RAD18: variants seen among roughly 807,000 people sequenced by gnomAD.
The protein encoded by RAD18 is E3 ubiquitin-protein ligase RAD18.
A neutral mutation model predicts 60.4 loss-of-function variants in RAD18; 47 were observed. The ratio of observed to expected loss-of-function variants is 0.78; its 90% CI spans 0.62 to 0.99. The LOEUF (loss-of-function observed/expected upper bound fraction) is 0.99. Ranked by LOEUF, RAD18 falls within the 50% of genes least tolerant of loss-of-function variation. The pLI is 0.00. For synonymous variants in RAD18, 225 were observed against 195.5 expected (o/e 1.15, Z -1.26); for missense variants, 640 against 593.3 (o/e 1.08, Z -0.82).
At chr3:8,898,864 T>C (rs1381063042) in intron 11 of RAD18, 30 bp downstream of exon 11, 1 of 1,501,446 alleles carries the variant, frequency 6.7e-7, no homozygotes, top group African/African-American at 1.4e-5. Context: ...AGTAGATATT[T>C]AAAATAATCA....
chr3:8,962,321 C>G (rs979966674), intron 1 of RAD18, among the ~76,000 whole-genome samples: 2 of 152,194 alleles, frequency 1.3e-5, no homozygotes. Flanking sequence ...TGGTGCCAAG[C>G]CCACAACTCC....
At chr3:8,949,670 A>G (rs1940897785) in intron 2 of RAD18, among the ~76,000 whole-genome samples, 1 of 149,642 alleles carries the variant, frequency 6.7e-6, no homozygotes, top group Non-Finnish European at 1.5e-5. Flanking sequence ...AACTGGAGAG[A>G]GAGAGGGGGG....
intron 7 of RAD18, among the ~76,000 whole-genome samples, chr3:8,927,864 A>G (rs1196240242): frequency 6.6e-6 from 1 of 151,796 alleles, no homozygotes; most frequent in Admixed American, 6.6e-5. Flanking sequence ...GAACAATGAC[A>G]ACACTTGGAC....
intron 7 of RAD18, among the ~76,000 whole-genome samples, chr3:8,923,756 T>A (rs1037061665): frequency 6.6e-6 from 1 of 152,164 alleles, no homozygotes; most frequent in Non-Finnish European, 1.5e-5. Flanking sequence ...TGGGGGCCAA[T>A]ATTCAGCATT....
At chr3:8,905,719 C>T (rs1272189651) in intron 9 of RAD18, among the ~76,000 whole-genome samples, 2 of 152,188 alleles carry the variant, frequency 1.3e-5, no homozygotes, top group Non-Finnish European at 2.9e-5. Context: ...CTCAAATGGG[C>T]ATTCAATACT....
At chr3:8,942,734 G>T (rs1430258902) in intron 4 of RAD18, among the ~76,000 whole-genome samples, 4 of 152,082 alleles carry the variant, frequency 2.6e-5, no homozygotes, top group Non-Finnish European at 4.4e-5. Context: ...AGGATTGAGG[G>T]GTCAGAGTGC....
intron 7 of RAD18, among the ~76,000 whole-genome samples, chr3:8,934,078 G>T (rs1042652936): frequency 4.8e-5 from 7 of 145,358 alleles, no homozygotes; most frequent in African/African-American, 1.7e-4. Context: ...GCATCAATTG[G>T]TTATTCATAT....
chr3:8,923,944 C>G (rs1436104801), intron 7 of RAD18, among the ~76,000 whole-genome samples: 3 of 152,212 alleles, frequency 2.0e-5, no homozygotes, highest in Non-Finnish European at 4.4e-5. Flanking sequence ...CAACCAGTAC[C>G]AGCCACTGCA....
intron 4 of RAD18, among the ~76,000 whole-genome samples, chr3:8,943,159 T>A (rs1402331808): frequency 1.3e-5 from 2 of 152,198 alleles, no homozygotes; most frequent in Non-Finnish European, 2.9e-5. Flanking sequence ...ATTCACAGCT[T>A]CTACAACGTT....
intron 11 of RAD18, among the ~76,000 whole-genome samples, chr3:8,893,693 A>ATTT (rs71049754): frequency 2.0e-4 from 21 of 104,766 alleles, no homozygotes; most frequent in South Asian, 6.9e-4. Flanking sequence ...AGCTTTTTTA[A>ATTT]TTTTTTTTTT....
Position 8,877,312 on chromosome 3 carries a change from G to A in RAD18, c.*4045C>T, listed in dbSNP as rs1249462009. 6.5e-6 allele frequency: 1 copy of A among 153,386 alleles called. No individual in the cohort carries two copies. Among genetic ancestry groups the A allele is most frequent in the Non-Finnish European group, 1.5e-5 (1 of 68,606 alleles). 9.5% of individuals were successfully genotyped at this position (153,386 alleles called of 1,614,324 possible). A position where few individuals can be genotyped will look rare whatever the true frequency, so the allele number is the denominator to read the frequency against. On this transcript the variant is annotated 3_prime_UTR_variant, in exon 13 of 13. Coordinates refer to ENST00000264926, the MANE Select transcript of RAD18 (RefSeq NM_020165.4). The stretch of plus-strand genomic sequence containing the variant: ...CTCTCTGCTTCCAAGATGGTGTGTT[G>A]TTGCTGAGTCCTCCAGAGGGAACGA...
chr3:8,913,709 C>T lies in RAD18; in HGVS notation c.901G>A (p.Val301Ile), dbSNP rs1940146830. Reference protein sequence around the residue: ...ALHPKSAAEIVREIENIEKTR... With the variant: ...ALHPKSAAEIIREIENIEKTR... ...TTCTCTATATTTTCGATTTCTCGAA[C>T]TATTTCAGCAGCTGTTAAAATAAGA... The change falls in exon 8 of 13, where the codon GTT (valine) becomes ATT (isoleucine). Residue 301 changes from valine (V) to isoleucine (I), a missense_variant. Transcript: ENST00000264926. 1 of 1,559,330 alleles carries T rather than the reference C, an allele frequency of 6.4e-7. No homozygotes were observed. Among genetic ancestry groups the T allele is most frequent in the Non-Finnish European group, 8.7e-7 (1 of 1,145,222 alleles).
intron 10 of RAD18, among the ~76,000 whole-genome samples, chr3:8,901,092 G>A (rs1179920984): frequency 6.6e-6 from 1 of 152,156 alleles, no homozygotes; most frequent in African/African-American, 2.4e-5. Context: ...TTGTTTATTA[G>A]TCACTAGGGA....
At chr3:8,923,772 A>G (rs561900860) in intron 7 of RAD18, among the ~76,000 whole-genome samples, 2 of 152,346 alleles carry the variant, frequency 1.3e-5, no homozygotes, top group African/African-American at 4.8e-5. Flanking sequence ...GCATTCTTAA[A>G]GAAAAGAATT....
chr3:8,913,717 GC>G lies in RAD18; in HGVS notation c.892del (p.Ala298LeufsTer3). On this transcript the variant is annotated frameshift_variant and splice_region_variant, in exon 8 of 13. Transcript: ENST00000264926. LOFTEE classifies it high-confidence loss of function. The stretch of plus-strand genomic sequence containing the variant: ...ATTTTCGATTTCTCGAACTATTTCA[GC>G]AGCTGTTAAAATAAGAAAATAACCA... ...QCDALHPKSA[A>X]EIVREIENIE... 1 of 1,548,252 alleles carries G rather than the reference GC, an allele frequency of 6.5e-7. No homozygotes were observed. The highest frequency in any genetic ancestry group is 8.8e-7 in the Non-Finnish European group (1 of 1,137,800).
chr3:8,960,807 A>G (rs1468216138), intron 1 of RAD18, among the ~76,000 whole-genome samples: 1 of 152,114 alleles, frequency 6.6e-6, no homozygotes, highest in Non-Finnish European at 1.5e-5. Flanking sequence ...AAAATGTTAA[A>G]CACTGGTTCT....
chr3:8,934,605 C>A (rs1323298396), intron 7 of RAD18, among the ~76,000 whole-genome samples: 2 of 152,322 alleles, frequency 1.3e-5, no homozygotes, highest in African/African-American at 2.4e-5. Context: ...GGGTGCAGAA[C>A]AACTGACACC....
intron 3 of RAD18, among the ~76,000 whole-genome samples, 185 bp downstream of exon 3, chr3:8,948,324 A>C (rs557029452): frequency 3.3e-5 from 5 of 152,332 alleles, no homozygotes; most frequent in African/African-American, 1.2e-4. Flanking sequence ...AAATCTTAAC[A>C]AAAAAACTGA....
chr3:8,919,612 ATG>A (rs1242933302), intron 7 of RAD18, among the ~76,000 whole-genome samples: 2 of 152,282 alleles, frequency 1.3e-5, no homozygotes, highest in African/African-American at 2.4e-5. Context: ...ACGTGTGCGT[ATG>A]TATATATATG....
Sources: gnomAD v4.1 joint callset for allele counts (sites outside exome capture counted in the v4.1 genomes callset) on GRCh38, gnomAD v4.1.1 for gene constraint, MANE v1.5 for transcripts, NCBI Gene and HGNC (gene_info 2026-07-23, HGNC 2026-07-21) for gene names.